The following WDR7 variants were observed in gnomAD, a reference collection of about 807,000 sequenced individuals.
WDR7 encodes the protein WD repeat domain 7, also known as WD repeat-containing protein 7.
A neutral mutation model predicts 169.4 loss-of-function variants in WDR7; 46 were observed. That is an observed-to-expected ratio of 0.27 (90% CI 0.21 to 0.35). WDR7 has a LOEUF of 0.35. Among genes scored for constraint, WDR7 ranks in the 10% least tolerant of loss-of-function variants. The probability of loss-of-function intolerance (pLI) is 1.00; values close to 1 mark genes in which losing one functional copy is unlikely to be tolerated. For synonymous variants in WDR7, 612 were observed against 666.8 expected, an observed-to-expected ratio of 0.92 and a Z score of 1.27; for missense variants, 1,534 against 1,859.3, an observed-to-expected ratio of 0.83 and a Z score of 3.22.
intron 19 of WDR7, among the ~76,000 whole-genome samples, chr18:56,800,791 C>G (rs896098600): frequency 2.8e-4 from 42 of 152,314 alleles, no homozygotes; most frequent in African/African-American, 9.4e-4. Context: ...CACTTTCTTA[C>G]TTTCTGGCAC....
At chr18:56,769,759 A>G (rs76993066) in intron 16 of WDR7, among the ~76,000 whole-genome samples, 2,011 of 152,326 alleles carry the variant, frequency 0.013, 20 homozygotes, top group East Asian at 0.033. Context: ...TCATTGTTAA[A>G]TTATCTCAGG....
chr18:56,744,785 C>T (rs1010159961), intron 14 of WDR7, among the ~76,000 whole-genome samples: 1 of 152,164 alleles, frequency 6.6e-6, no homozygotes, highest in South Asian at 2.1e-4. Context: ...AGATGGTTCC[C>T]ACCTACAGGT....
At chr18:56,888,353 G>A (rs1282349014) in intron 21 of WDR7, among the ~76,000 whole-genome samples, 1 of 152,224 alleles carries the variant, frequency 6.6e-6, no homozygotes, top group Non-Finnish European at 1.5e-5. Context: ...GTGTTACGTT[G>A]TGCCCTTGGG....
At chr18:56,950,541 G>A (rs2047166955) in intron 25 of WDR7, among the ~76,000 whole-genome samples, 1 of 152,204 alleles carries the variant, frequency 6.6e-6, no homozygotes, top group Non-Finnish European at 1.5e-5. Flanking sequence ...AACCACTGAT[G>A]TAGTGAAATC....
chr18:56,887,108 GA>G (rs1413732521), intron 21 of WDR7, among the ~76,000 whole-genome samples: 3 of 152,036 alleles, frequency 2.0e-5, no homozygotes, highest in African/African-American at 4.8e-5. Flanking sequence ...AGAATTAGGG[GA>G]AAAAAGGGAT....
chr18:56,740,346 T>G (rs1408624721), intron 14 of WDR7, among the ~76,000 whole-genome samples: 6 of 152,174 alleles, frequency 3.9e-5, no homozygotes, highest in African/African-American at 1.4e-4. Context: ...TTAATCCTAA[T>G]TTTCTTAAAA....
intron 7 of WDR7, among the ~76,000 whole-genome samples, chr18:56,688,737 A>G (rs2025501019): frequency 6.6e-6 from 1 of 151,880 alleles, no homozygotes; most frequent in Admixed American, 6.6e-5. Context: ...TTGGGGAAAA[A>G]AAAAAAGGGG....
At chr18:56,887,776 T>C (rs1275894648) in intron 21 of WDR7, among the ~76,000 whole-genome samples, 1 of 152,168 alleles carries the variant, frequency 6.6e-6, no homozygotes, top group Non-Finnish European at 1.5e-5. Context: ...TAAATTTAAA[T>C]TTATCAGTTT....
intron 19 of WDR7, among the ~76,000 whole-genome samples, chr18:56,787,204 ACT>A (rs947474980): frequency 5.3e-5 from 8 of 151,932 alleles, no homozygotes; most frequent in African/African-American, 1.7e-4. Context: ...GTTGGTGATG[ACT>A]CTGAGGCAAA....
intron 25 of WDR7, among the ~76,000 whole-genome samples, chr18:56,951,624 G>C (rs1180994637): frequency 6.6e-6 from 1 of 151,946 alleles, no homozygotes; most frequent in South Asian, 2.1e-4. Flanking sequence ...GAAATCTTAA[G>C]ATATATACAC....
At chr18:57,014,188 T>TGG in intron 26 of WDR7, among the ~76,000 whole-genome samples, 1 of 150,684 alleles carries the variant, frequency 6.6e-6, no homozygotes, top group South Asian at 2.1e-4. Context: ...TAGCTGGGCG[T>TGG]CATGGCATGC....
chr18:56,900,749 A>T (rs1274330693), intron 21 of WDR7, among the ~76,000 whole-genome samples: 1 of 152,168 alleles, frequency 6.6e-6, no homozygotes, highest in African/African-American at 2.4e-5. Context: ...AAGTTTCTTC[A>T]GGGATGGGGG....
intron 26 of WDR7, among the ~76,000 whole-genome samples, chr18:56,968,114 A>G (rs1211430172): frequency 6.8e-6 from 1 of 147,724 alleles, no homozygotes; most frequent in African/African-American, 2.5e-5. Context: ...AGGGCTACCA[A>G]AAAAAAAAAA....
chr18:56,816,066 A>G lies in WDR7; in HGVS notation c.3226A>G (p.Thr1076Ala). 1 of 1,613,562 alleles carries G rather than the reference A, an allele frequency of 6.2e-7. No homozygotes were observed. Among genetic ancestry groups the G allele is most frequent in the Non-Finnish European group, 8.5e-7 (1 of 1,179,826 alleles). Residue 1076 changes from threonine to alanine, a missense_variant, in exon 20 of 28, where the codon ACG becomes GCG. Physicochemically the swap from Thr to Ala is moderately conservative, Grantham distance 58. Coordinates refer to ENST00000254442, the MANE Select transcript of WDR7 (RefSeq NM_015285.3). ...ATCAGAAGCCGCGCAGACTATCACC[A>G]CGGCTCCTGATGCCTCAGGGCCTGA... ...VTSEAAQTIT[T>A]APDASGPEAK...
At chr18:56,964,400 T>C (rs900390318) in intron 26 of WDR7, among the ~76,000 whole-genome samples, 2 of 152,064 alleles carry the variant, frequency 1.3e-5, no homozygotes, top group East Asian at 1.9e-4. Context: ...GGATGGAGTG[T>C]CTGTCTGTTG....
At chr18:56,684,535 C>T (rs1201961716) in intron 5 of WDR7, among the ~76,000 whole-genome samples, 1 of 152,170 alleles carries the variant, frequency 6.6e-6, no homozygotes, top group East Asian at 1.9e-4. Flanking sequence ...AGCTTGCAGG[C>T]TCTCACTGTA....
chr18:56,746,446 G>A (rs888570555), intron 14 of WDR7, among the ~76,000 whole-genome samples: 2 of 152,138 alleles, frequency 1.3e-5, no homozygotes, highest in Non-Finnish European at 2.9e-5. Context: ...AGGATTTTAG[G>A]TTGTTACAGT....
At position 56,776,796 on chromosome 18, in the gene WDR7, G is replaced by T. The variant is rs375783471; in HGVS notation, c.2863G>T (p.Val955Phe). 6.2e-7 allele frequency: 1 copy of T among 1,613,620 alleles called. No individual in the cohort carries two copies. Among genetic ancestry groups the T allele is most frequent in the Non-Finnish European group, 8.5e-7 (1 of 1,179,802 alleles). ...TCCTCTGCAAGTTGCTGCACCTGTC[G>T]TTTCCGCTCGGTCTGATGCTGATCA... ...GQIKQVAAPV[V>F]SARSDADHSG... The change falls in exon 17 of 28, where the codon GTT (valine) becomes TTT (phenylalanine). Residue 955 changes from valine to phenylalanine, a missense_variant. By Grantham distance (50) the Val-to-Phe change is conservative. Transcript: ENST00000254442.
chr18:56,849,323 C>T (rs933865651), intron 20 of WDR7, among the ~76,000 whole-genome samples: 2 of 152,176 alleles, frequency 1.3e-5, no homozygotes, highest in African/African-American at 4.8e-5. Flanking sequence ...TTCCTTTACT[C>T]CCAGGACATG....
Sources: gnomAD v4.1 joint callset for allele counts (sites outside exome capture counted in the v4.1 genomes callset) on GRCh38, gnomAD v4.1.1 for gene constraint, MANE v1.5 for transcripts, NCBI Gene and HGNC (gene_info 2026-07-23, HGNC 2026-07-21) for gene names.